The following PAPSS2 variants were observed in gnomAD, a reference collection of about 807,000 sequenced individuals.
PAPSS2 encodes 3'-phosphoadenosine 5'-phosphosulfate synthase 2.
Under a neutral mutation model 66.5 loss-of-function variants are expected in PAPSS2, and 61 were observed. The observed-to-expected ratio is 0.92, with a 90% CI of 0.75 to 1.14. The LOEUF is 1.14. PAPSS2 is among the 50% of genes most tolerant of loss of function. PAPSS2 has a pLI of 0.00. For missense variants in PAPSS2, 708 were observed against 789.6 expected (o/e 0.90, Z 1.24); for synonymous variants, 289 against 287.5 (o/e 1.01, Z -0.05).
chr10:87,721,849 A>G, intron 8 of PAPSS2, 79 bp downstream of exon 8: 1 of 852,058 alleles, frequency 1.2e-6, no homozygotes, highest in East Asian at 2.7e-5. Context: ...TAAGAACATA[A>G]CTAAAAGAAA....
chr10:87,677,543 G>A (rs1006727898), intron 1 of PAPSS2, among the ~76,000 whole-genome samples: 1 of 152,152 alleles, frequency 6.6e-6, no homozygotes, highest in African/African-American at 2.4e-5. Context: ...TAACCAGAGT[G>A]GACATGAAAG....
intron 1 of PAPSS2, among the ~76,000 whole-genome samples, chr10:87,676,792 A>G (rs1026528560): frequency 7.0e-6 from 1 of 143,022 alleles, no homozygotes. Flanking sequence ...GGATCACTTG[A>G]GCCCAGCGGT....
Position 87,745,990 on chromosome 10 carries a change from C to T in PAPSS2, c.*20C>T. 6.2e-7 allele frequency: 1 copy of T among 1,612,120 alleles called. No homozygotes were observed. Among genetic ancestry groups the T allele is most frequent in the Non-Finnish European group, 8.5e-7 (1 of 1,178,262 alleles). ...AACTAAGCCTTTGGCTCCAGAGTTTCTTTCTGAAGTGCTCTTTGATTACCT... is the reference window on the plus strand; with the variant it reads ...AACTAAGCCTTTGGCTCCAGAGTTTTTTTCTGAAGTGCTCTTTGATTACCT... On this transcript the variant is annotated 3_prime_UTR_variant, in exon 13 of 13. Transcript: ENST00000456849.
intron 1 of PAPSS2, among the ~76,000 whole-genome samples, chr10:87,695,285 A>G (rs1394402694): frequency 1.3e-5 from 2 of 152,246 alleles, no homozygotes; most frequent in Non-Finnish European, 2.9e-5. Context: ...GGGCCTCTTC[A>G]TAAGAGCACT....
At chr10:87,727,969 A>G (rs1853681343) in intron 9 of PAPSS2, among the ~76,000 whole-genome samples, 1 of 152,192 alleles carries the variant, frequency 6.6e-6, no homozygotes, top group Non-Finnish European at 1.5e-5. Flanking sequence ...TCTCTTAGTA[A>G]ATGATACTCT....
At chr10:87,694,044 C>T (rs1853203592) in intron 1 of PAPSS2, among the ~76,000 whole-genome samples, 1 of 152,208 alleles carries the variant, frequency 6.6e-6, no homozygotes, top group Non-Finnish European at 1.5e-5. Flanking sequence ...ACTTCTGTTA[C>T]TCATTCAACA....
chr10:87,706,362 G>A (rs1415818290), intron 1 of PAPSS2, among the ~76,000 whole-genome samples: 3 of 151,500 alleles, frequency 2.0e-5, no homozygotes, highest in African/African-American at 7.3e-5. Flanking sequence ...CAGACACAAT[G>A]TTCTTGAACT....
chr10:87,717,157 C>G (rs1344336616), intron 7 of PAPSS2, among the ~76,000 whole-genome samples: 1 of 152,160 alleles, frequency 6.6e-6, no homozygotes, highest in East Asian at 1.9e-4. Flanking sequence ...TGACTTTTAT[C>G]TTGGTGTCTT....
intron 9 of PAPSS2, among the ~76,000 whole-genome samples, chr10:87,728,378 G>C (rs1020982513): frequency 6.6e-6 from 1 of 152,146 alleles, no homozygotes; most frequent in African/African-American, 2.4e-5. Context: ...TCAGACCCAG[G>C]AGACTCTAAA....
chr10:87,716,557 G>T (rs1184674098), intron 7 of PAPSS2, among the ~76,000 whole-genome samples: 1 of 152,212 alleles, frequency 6.6e-6, no homozygotes, highest in African/African-American at 2.4e-5. Context: ...TGGGGAAGGA[G>T]TAGGGGTAGA....
intron 1 of PAPSS2, among the ~76,000 whole-genome samples, chr10:87,672,725 G>A (rs1243208854): frequency 6.6e-6 from 1 of 152,156 alleles, no homozygotes; most frequent in African/African-American, 2.4e-5. Context: ...ATATCTTGGG[G>A]GAAATTTGGT....
intron 9 of PAPSS2, among the ~76,000 whole-genome samples, chr10:87,733,062 C>A (rs528830108): frequency 6.6e-6 from 1 of 152,312 alleles, no homozygotes; most frequent in Non-Finnish European, 1.5e-5. Context: ...TTTTAGCACT[C>A]TGAAACCCAC....
chr10:87,741,840 T>G (rs1341663108), intron 10 of PAPSS2, among the ~76,000 whole-genome samples: 1 of 152,216 alleles, frequency 6.6e-6, no homozygotes, highest in Non-Finnish European at 1.5e-5. Flanking sequence ...CACTGCAGCC[T>G]CAACCTCCTG....
At position 87,743,530 on chromosome 10, in the gene PAPSS2, A is replaced by G; in HGVS notation, c.1380A>G (p.Leu460=). ...GGWTKDDDVP[L]DWRMKQHAAV... Reference sequence around the variant, plus strand: ...GGACCAAGGATGACGATGTGCCTCTAGACTGGCGGATGAAGCAGCACGCGG... The same window carrying G: ...GGACCAAGGATGACGATGTGCCTCTGGACTGGCGGATGAAGCAGCACGCGG... The change falls in exon 11 of 13, where the codon CTA becomes CTG. Residue 460 remains leucine (L), a synonymous_variant. Coordinates refer to ENST00000456849, the MANE Select transcript of PAPSS2 (RefSeq NM_001015880.2). 3 of 1,614,140 alleles carry G rather than the reference A, an allele frequency of 1.9e-6. No homozygotes were observed. Among genetic ancestry groups the G allele is most frequent in the Non-Finnish European group, 2.5e-6 (3 of 1,180,012 alleles).
rs760686756 is a variant in PAPSS2, at chr10:87,715,069, G to T, written c.724G>T (p.Glu242Ter). 1.2e-6 allele frequency: 2 copies of T among 1,611,068 alleles called. No individual in the cohort carries two copies. Among genetic ancestry groups the T allele is most frequent in the Admixed American group, 3.3e-5 (2 of 60,002 alleles). Residue 242 changes from glutamate to a stop codon, truncating the protein, a stop_gained, in exon 6 of 13, where the codon GAA becomes TAA. Coordinates refer to ENST00000456849, the MANE Select transcript of PAPSS2 (RefSeq NM_001015880.2). LOFTEE classifies it high-confidence loss of function. ...NKLDHVRAEA[E>*]TLPSLSITKL... is the part of the protein sequence containing the mutation. ...ACTTGACCACGTCCGAGCTGAGGCT[G>T]AAACTCTCCCTTCATTATCAATTAC...
chr10:87,745,911 A>T lies in PAPSS2; in HGVS notation c.1801A>T (p.Met601Leu). The change falls in exon 13 of 13, where the codon ATG becomes TTG. Residue 601 changes from methionine to leucine, a missense_variant. Coordinates refer to ENST00000456849, the MANE Select transcript of PAPSS2 (RefSeq NM_001015880.2). ...REGENPPDGF[M>L]APKAWKVLTD... ...AGGAGAGAATCCCCCAGATGGCTTC[A>T]TGGCCCCCAAAGCATGGAAGGTCCT... 1 of 1,614,102 alleles carries T rather than the reference A, an allele frequency of 6.2e-7. No homozygotes were observed. Among genetic ancestry groups the T allele is most frequent in the Middle Eastern group, 1.7e-4 (1 of 6,058 alleles).
intron 1 of PAPSS2, among the ~76,000 whole-genome samples, chr10:87,707,564 C>CTTTTTTT (rs747152482): frequency 5.5e-4 from 52 of 93,958 alleles, no homozygotes; most frequent in African/African-American, 1.1e-3. Flanking sequence ...TCTTTTTTTT[C>CTTTTTTT]TTTTTTTTTT....
At chr10:87,673,412 G>A (rs1044096841) in intron 1 of PAPSS2, among the ~76,000 whole-genome samples, 15 of 152,010 alleles carry the variant, frequency 9.9e-5, no homozygotes, top group Non-Finnish European at 2.2e-4. Flanking sequence ...CTCCCACCTT[G>A]CCCTCCTAAA....
intron 10 of PAPSS2, among the ~76,000 whole-genome samples, chr10:87,742,994 C>G (rs1356947275): frequency 6.6e-6 from 1 of 152,188 alleles, no homozygotes; most frequent in East Asian, 1.9e-4. Flanking sequence ...GCCTGTAATC[C>G]CAACACTTTG....
Sources: gnomAD v4.1 joint callset for allele counts (sites outside exome capture counted in the v4.1 genomes callset) on GRCh38, gnomAD v4.1.1 for gene constraint, MANE v1.5 for transcripts, NCBI Gene and HGNC (gene_info 2026-07-23, HGNC 2026-07-21) for gene names.